UGT1A9: variants seen among roughly 807,000 people sequenced by gnomAD.
UGT1A9 encodes the protein UDP glucuronosyltransferase family 1 member A9, also known as UDP-glucuronosyltransferase 1A9.
UGT1A9 carries 35 observed loss-of-function variants against 45.0 expected under a neutral mutation model. The observed-to-expected ratio is 0.78, with a 90% CI of 0.59 to 1.03. UGT1A9 has a LOEUF of 1.03. Among genes scored for constraint, UGT1A9 ranks in the 50% least tolerant of loss-of-function variants. UGT1A9 has a pLI of 0.00. For synonymous variants in UGT1A9, 278 were observed against 250.6 expected, an observed-to-expected ratio of 1.11 and a Z score of -1.03; for missense variants, 687 against 666.6, an observed-to-expected ratio of 1.03 and a Z score of -0.34.
At chr2:233,744,071 C>T (rs17864701) in intron 1 of UGT1A9, 146,390 of 490,018 alleles carry the variant, frequency 0.3, 23,171 homozygotes, top group South Asian at 0.39. Context: ...CTATGAGCGC[C>T]TCGCATCCCA....
chr2:233,728,187 T>G (rs1430038112), intron 1 of UGT1A9, among the ~76,000 whole-genome samples: 5 of 152,222 alleles, frequency 3.3e-5, no homozygotes, highest in Non-Finnish European at 7.3e-5. Flanking sequence ...TATCAGAACT[T>G]GGTGCTGGAT....
chr2:233,744,674 A>C (rs1324161550), intron 1 of UGT1A9, among the ~76,000 whole-genome samples: 16 of 151,928 alleles, frequency 1.1e-4, no homozygotes, highest in South Asian at 4.1e-4. Flanking sequence ...ATTACACATC[A>C]CCCATGTAGC....
chr2:233,692,795 C>G (rs866165884), intron 1 of UGT1A9: 7 of 1,377,094 alleles, frequency 5.1e-6, no homozygotes, highest in African/African-American at 2.9e-5. Flanking sequence ...TGAAAGCTGA[C>G]ACGGCCATAG....
Position 233,738,328 on chromosome 2 carries a change from T to C in UGT1A9, c.856-28706T>C, listed in dbSNP as rs1690764022. 1.3e-5 allele frequency among the ~76,000 whole-genome samples: 2 copies of C among 152,220 alleles called. 1 individual carries two copies. Among genetic ancestry groups the C allele is most frequent in the South Asian group, 4.1e-4 (2 of 4,828 alleles). On this transcript the variant is annotated intron_variant, in intron 1 of 4. Coordinates refer to ENST00000354728, the MANE Select transcript of UGT1A9 (RefSeq NM_021027.3). ...TTATAGCAGTGTGTGAATGGACTAA[T>C]ACAGTAAATTGGTGTCATGGAGAGT...
chr2:233,713,230 A>G (rs747842946), intron 1 of UGT1A9: 14 of 1,614,276 alleles, frequency 8.7e-6, no homozygotes, highest in Admixed American at 1.7e-5. Flanking sequence ...CTGACAACGT[A>G]TGCCATTTCA....
chr2:233,672,509 GA>G lies in UGT1A9; in HGVS notation c.577del (p.Ile193PhefsTer3), dbSNP rs2074229421. ...CCTGCTCCTCTTTCCTATGTCCCCA[GA>G]ATTCTCTTAGGGTTCTCAGATGCCA... ...QCPAPLSYVP[R>X]ILLGFSDAMT... is the part of the protein sequence containing the mutation. On this transcript the variant is annotated frameshift_variant, in exon 1 of 5. Coordinates refer to ENST00000354728, the MANE Select transcript of UGT1A9 (RefSeq NM_021027.3). LOFTEE classifies it high-confidence loss of function. 1.2e-6 allele frequency: 2 copies of G among 1,613,614 alleles called. No homozygotes were observed. The highest frequency in any genetic ancestry group is 1.7e-6 in the Non-Finnish European group (2 of 1,179,666).
chr2:233,697,399 A>G (rs890577851), intron 1 of UGT1A9, among the ~76,000 whole-genome samples: 10 of 151,506 alleles, frequency 6.6e-5, no homozygotes, highest in African/African-American at 2.4e-4. Flanking sequence ...GATCCTTTGT[A>G]TTTCTGTGGT....
intron 1 of UGT1A9, among the ~76,000 whole-genome samples, chr2:233,684,318 G>C (rs1167563534): frequency 6.6e-6 from 1 of 152,222 alleles, no homozygotes; most frequent in Non-Finnish European, 1.5e-5. Context: ...GGAGATGCAA[G>C]TTGTAGGACG....
Position 233,672,278 on chromosome 2 carries a change from A to G in UGT1A9, c.344A>G (p.Asp115Gly). The change falls in exon 1 of 5, where the codon GAC becomes GGC. Residue 115 changes from aspartate (D) to glycine (G), a missense_variant. Coordinates refer to ENST00000354728, the MANE Select transcript of UGT1A9 (RefSeq NM_021027.3). ...IYSLLMGSYN[D>G]IFDLFFSNCR... ...TCTCTATTAATGGGTTCATACAATG[A>G]CATTTTTGACTTATTTTTTTCAAAT... 2 of 1,613,744 alleles carry G rather than the reference A, an allele frequency of 1.2e-6. No individual in the cohort carries two copies. The highest frequency in any genetic ancestry group is 8.5e-7 in the Non-Finnish European group (1 of 1,179,768).
intron 1 of UGT1A9, among the ~76,000 whole-genome samples, chr2:233,683,392 G>C (rs1575431032): frequency 6.6e-6 from 1 of 152,140 alleles, no homozygotes; most frequent in East Asian, 1.9e-4. Context: ...AAGATTGATA[G>C]AGATTTAAGT....
intron 4 of UGT1A9, among the ~76,000 whole-genome samples, chr2:233,768,707 C>T (rs1156909231): frequency 6.0e-5 from 9 of 150,670 alleles, no homozygotes; most frequent in Non-Finnish European, 1.3e-4. Flanking sequence ...CCTCAGCCTC[C>T]GTGTAGCTGG....
intron 1 of UGT1A9, among the ~76,000 whole-genome samples, chr2:233,728,416 G>A (rs563525403): frequency 6.4e-4 from 98 of 152,296 alleles, no homozygotes; most frequent in African/African-American, 2.2e-3. Context: ...TTAGATAGCA[G>A]CACCTCTTCT....
At chr2:233,723,995 T>G (rs1311992606) in intron 1 of UGT1A9, among the ~76,000 whole-genome samples, 3 of 71,382 alleles carry the variant, frequency 4.2e-5, no homozygotes, top group Admixed American at 3.7e-4. Flanking sequence ...CGCCTTTCTA[T>G]TCCACAAAGC....
chr2:233,690,711 A>T, intron 1 of UGT1A9: 1 of 1,222,700 alleles, frequency 8.2e-7, no homozygotes, highest in Admixed American at 3.2e-5. Context: ...GATCGTCATT[A>T]TGACGAACAG....
intron 1 of UGT1A9, among the ~76,000 whole-genome samples, chr2:233,727,284 G>C (rs1269402383): frequency 2.6e-5 from 4 of 152,162 alleles, no homozygotes; most frequent in Non-Finnish European, 5.9e-5. Flanking sequence ...GACCCTGGAA[G>C]CTGATGACTT....
chr2:233,685,554 A>G (rs557417224), intron 1 of UGT1A9, among the ~76,000 whole-genome samples: 1 of 152,278 alleles, frequency 6.6e-6, no homozygotes, highest in South Asian at 2.1e-4. Context: ...TTTTGATCCA[A>G]ATTCAAATTT....
chr2:233,748,199 G>A (rs1164871167), intron 1 of UGT1A9: 58 of 1,533,096 alleles, frequency 3.8e-5, no homozygotes, highest in Non-Finnish European at 4.6e-5. Context: ...TCTGCTTGTC[G>A]TAATAGCCTT....
intron 1 of UGT1A9, chr2:233,728,998 G>C: frequency 6.4e-7 from 1 of 1,560,662 alleles, no homozygotes; most frequent in South Asian, 1.2e-5. Context: ...AACTAGAGGA[G>C]GGCACTCTGT....
intron 1 of UGT1A9, among the ~76,000 whole-genome samples, chr2:233,751,504 G>A (rs879429871): frequency 1.3e-5 from 2 of 152,170 alleles, no homozygotes; most frequent in Non-Finnish European, 2.9e-5. Flanking sequence ...ATTTGGGAGG[G>A]GCCAGAGGGC....
Sources: gnomAD v4.1 joint callset for allele counts (sites outside exome capture counted in the v4.1 genomes callset) on GRCh38, gnomAD v4.1.1 for gene constraint, MANE v1.5 for transcripts, NCBI Gene and HGNC (gene_info 2026-07-23, HGNC 2026-07-21) for gene names.